CNTLN: variants seen among roughly 807,000 people sequenced by gnomAD.
CNTLN encodes the protein centlein.
Under a neutral mutation model 180.0 loss-of-function variants are expected in CNTLN, and 212 were observed. The observed-to-expected ratio is 1.18, with a 90% CI of 1.05 to 1.32. The LOEUF is 1.32. Ranked by LOEUF, CNTLN falls within the 40% of genes most tolerant of loss-of-function variation. CNTLN has a pLI of 0.00. For synonymous variants in CNTLN, 722 were observed against 563.1 expected (o/e 1.28, Z -3.99); for missense variants, 2,095 against 1,610.9 (o/e 1.30, Z -5.14).
intron 5 of CNTLN, among the ~76,000 whole-genome samples, chr9:17,259,420 A>T (rs1435955556): frequency 7.1e-6 from 1 of 141,542 alleles, no homozygotes; most frequent in Non-Finnish European, 1.5e-5. Flanking sequence ...CATCCGGGAT[A>T]TTGGTCTAAA....
intron 12 of CNTLN, among the ~76,000 whole-genome samples, chr9:17,359,741 A>C (rs1350867263): frequency 2.4e-5 from 3 of 122,660 alleles, no homozygotes; most frequent in South Asian, 2.9e-4. Context: ...AAAAAAAAAA[A>C]AAAAAAAAAC....
intron 7 of CNTLN, among the ~76,000 whole-genome samples, chr9:17,305,199 CT>C (rs1818625676): frequency 6.6e-6 from 1 of 151,978 alleles, no homozygotes; most frequent in South Asian, 2.1e-4. Flanking sequence ...TCCTTTTAAC[CT>C]TTTTCACTTA....
chr9:17,255,398 A>G (rs1331212165), intron 5 of CNTLN, among the ~76,000 whole-genome samples: 2 of 151,776 alleles, frequency 1.3e-5, no homozygotes, highest in African/African-American at 4.8e-5. Context: ...TAATCATGAA[A>G]GGGTGTTCAA....
chr9:17,254,511 T>A (rs981692528), intron 5 of CNTLN, among the ~76,000 whole-genome samples: 1 of 151,262 alleles, frequency 6.6e-6, no homozygotes, highest in Non-Finnish European at 1.5e-5. Context: ...ATTCATTCAT[T>A]TGTGAGTAGA....
At chr9:17,373,614 G>T (rs1423705701) in intron 13 of CNTLN, among the ~76,000 whole-genome samples, 1 of 151,974 alleles carries the variant, frequency 6.6e-6, no homozygotes, top group African/African-American at 2.4e-5. Context: ...ATTCTTCACA[G>T]AAACAGAAAA....
intron 18 of CNTLN, chr9:17,444,339 T>C (rs748420529): frequency 6.6e-6 from 1 of 152,186 alleles, no homozygotes; most frequent in Non-Finnish European, 1.5e-5. Context: ...ACTTTGTCTG[T>C]ATGTCATTTT....
intron 13 of CNTLN, among the ~76,000 whole-genome samples, chr9:17,372,379 T>G (rs1824398259): frequency 6.6e-6 from 1 of 152,088 alleles, no homozygotes; most frequent in South Asian, 2.1e-4. Context: ...CTAGAAGAAA[T>G]GGATAAATTC....
In CNTLN at chr9:17,226,211, A is replaced by G. The variant is rs1477309478; in HGVS notation, c.458A>G (p.Gln153Arg). Reference sequence around the variant, plus strand: ...CTATATTTTATATCTAGAGAAAAACAGAAATCTGAAGCTAAAGACAGAAAA... The same window carrying G: ...CTATATTTTATATCTAGAGAAAAACGGAAATCTGAAGCTAAAGACAGAAAA... The part of the protein sequence containing the change: ...VVSLVVEREK[Q>R]KSEAKDRKVL... Residue 153 changes from glutamine to arginine, a missense_variant, in exon 3 of 26, where the codon CAG becomes CGG. Transcript: ENST00000380647. 1 of 1,559,764 alleles carries G rather than the reference A, an allele frequency of 6.4e-7. No individual in the cohort carries two copies. Among genetic ancestry groups the G allele is most frequent in the Non-Finnish European group, 8.7e-7 (1 of 1,151,256 alleles).
At chr9:17,437,062 T>C (rs997891901) in intron 18 of CNTLN, among the ~76,000 whole-genome samples, 3 of 152,184 alleles carry the variant, frequency 2.0e-5, no homozygotes, top group African/African-American at 7.2e-5. Context: ...GTCTCTCTCC[T>C]AGCAGAGTGT....
At position 17,394,967 on chromosome 9, in the gene CNTLN, C is replaced by T; in HGVS notation, c.2513C>T (p.Ser838Phe). The change falls in exon 15 of 26, where the codon TCT becomes TTT. Residue 838 changes from serine (S) to phenylalanine (F), a missense_variant. Coordinates refer to ENST00000380647, the MANE Select transcript of CNTLN (RefSeq NM_017738.4). ...VKFKAAKKNC[S>F]VGRHHTVLNH... ...TTTAAAGCTGCGAAGAAAAATTGCT[C>T]TGTGGGTCGTCACCACACTGTTCTC... 6.2e-7 allele frequency: 1 copy of T among 1,613,782 alleles called. No homozygotes were observed. The highest frequency in any genetic ancestry group is 1.7e-5 in the Admixed American group (1 of 60,014).
intron 2 of CNTLN, among the ~76,000 whole-genome samples, chr9:17,190,626 T>G (rs1821734490): frequency 6.6e-6 from 1 of 152,200 alleles, no homozygotes; most frequent in East Asian, 1.9e-4. Context: ...CTGGAATTTC[T>G]TAGTGGTCAA....
rs367552916 is a variant in CNTLN, at chr9:17,179,015, C to T, written c.449+35639C>T. Among the ~76,000 whole-genome samples the T allele has an allele frequency of 1.6e-4, 25 of 151,568 alleles. 2 individuals are homozygous for T. In the South Asian group the frequency reaches 4.4e-3, roughly 26 times the overall value. On this transcript the variant is annotated intron_variant, in intron 2 of 25. Coordinates refer to ENST00000380647, the MANE Select transcript of CNTLN (RefSeq NM_017738.4). Reference sequence around the variant, plus strand: ...ATCCCAGCACTTTGGGAGGCCGAGGCGGGCGGATCACGAGGTCAGGAGATC... The same window carrying T: ...ATCCCAGCACTTTGGGAGGCCGAGGTGGGCGGATCACGAGGTCAGGAGATC...
intron 6 of CNTLN, among the ~76,000 whole-genome samples, chr9:17,292,124 G>A (rs559135711): frequency 1.7e-4 from 26 of 152,248 alleles, no homozygotes; most frequent in African/African-American, 6.0e-4. Flanking sequence ...TTGAATAATG[G>A]CCCCCAATCT....
chr9:17,158,132 A>G (rs544268533), intron 2 of CNTLN, among the ~76,000 whole-genome samples: 2 of 152,262 alleles, frequency 1.3e-5, no homozygotes, highest in South Asian at 2.1e-4. Context: ...CCCAACCTGT[A>G]TCTTTTCTGT....
chr9:17,383,153 A>G lies in CNTLN; in HGVS notation c.1988-5009A>G, dbSNP rs183649396. ...AAACATATGCATTGTACGTATATGT[A>G]TATACACACACAAATATATCTATAT... On this transcript the variant is annotated intron_variant, in intron 13 of 25. Transcript: ENST00000380647. Among the ~76,000 whole-genome samples, 17 of 152,222 alleles carry G rather than the reference A, an allele frequency of 1.1e-4. No homozygotes were observed. The East Asian group carries it at 2.7e-3, about 24-fold the overall frequency.
At chr9:17,506,552 A>T (rs1362023157), downstream of CNTLN, among the ~76,000 whole-genome samples, 2 of 152,084 alleles carry the variant, frequency 1.3e-5, no homozygotes, top group Non-Finnish European at 2.9e-5. Context: ...TCATTCTTCA[A>T]CGCTAGCCCT....
chr9:17,167,567 A>T (rs59167613), intron 2 of CNTLN: 2 of 152,358 alleles, frequency 1.3e-5, no homozygotes, highest in East Asian at 3.9e-4. Context: ...TTGTAGGGGC[A>T]CTAGAATGCA....
chr9:17,261,334 C>A (rs1327667986), intron 5 of CNTLN, among the ~76,000 whole-genome samples: 1 of 151,366 alleles, frequency 6.6e-6, no homozygotes, highest in Non-Finnish European at 1.5e-5. Flanking sequence ...TGGTTTGTGT[C>A]ATCTATGATT....
intron 16 of CNTLN, among the ~76,000 whole-genome samples, chr9:17,413,140 A>AT (rs1827978490): frequency 1.8e-5 from 1 of 54,512 alleles, no homozygotes; most frequent in Admixed American, 2.4e-4. Flanking sequence ...TGAACAACTG[A>AT]TTTTTGACCA....
Sources: gnomAD v4.1 joint callset for allele counts (sites outside exome capture counted in the v4.1 genomes callset) on GRCh38, gnomAD v4.1.1 for gene constraint, MANE v1.5 for transcripts, NCBI Gene and HGNC (gene_info 2026-07-23, HGNC 2026-07-21) for gene names.